NACC1: variants seen among roughly 807,000 people sequenced by gnomAD.
NACC1 encodes nucleus accumbens associated 1.
In NACC1, 6 loss-of-function variants were observed where a neutral mutation model predicts 41.7. The observed-to-expected ratio is 0.14, with a 90% CI of 0.08 to 0.28. NACC1 has a LOEUF of 0.28. Ranked by LOEUF, NACC1 falls within the 10% of genes least tolerant of loss-of-function variation. The pLI, the probability that NACC1 is intolerant of heterozygous loss-of-function variation, is 1.00. For synonymous variants in NACC1, 338 were observed against 330.6 expected (o/e 1.02, Z -0.24); for missense variants, 434 against 763.7 (o/e 0.57, Z 5.09).
chr19:13,124,222 A>C (rs551347213), intron 1 of NACC1, among the ~76,000 whole-genome samples: 8 of 152,124 alleles, frequency 5.3e-5, no homozygotes, highest in African/African-American at 1.9e-4. Context: ...CAACATGGAG[A>C]AACCCAGTCT....
rs962174752 is a variant in NACC1 at position 13,138,660 on chromosome 19, C to T, written c.*254C>T. The T allele has an allele frequency of 1.7e-4, 91 of 550,070 alleles. No homozygotes were observed. The highest frequency in any genetic ancestry group is 1.0e-3 in the Middle Eastern group (2 of 2,008). 34.1% of individuals were successfully genotyped at this position (550,070 alleles called of 1,614,324 possible). On this transcript the variant is annotated 3_prime_UTR_variant, in exon 6 of 6. Coordinates refer to ENST00000292431, the MANE Select transcript of NACC1 (RefSeq NM_052876.4). This position sits in a 1 kb window ranked among gnomAD's most constrained non-coding sequence, Gnocchi z 5.7. ...TCGTGCAGTGGGGGAGTTCTGGCTC[C>T]CCAACCTAACCCCTAGCCGTCATCT... is the stretch of plus-strand genomic sequence containing the variant.
Position 13,118,398 on chromosome 19 carries a change from G to A in NACC1, c.-65G>A, listed in dbSNP as rs1425915914. 6.8e-6 allele frequency: 1 copy of A among 147,258 alleles called. No homozygotes were observed. The highest frequency in any genetic ancestry group is 1.9e-4 in the East Asian group (1 of 5,144). 9.1% of individuals were successfully genotyped at this position (147,258 alleles called of 1,614,324 possible). On this transcript the variant is annotated 5_prime_UTR_variant, in exon 1 of 6. Coordinates refer to ENST00000292431, the MANE Select transcript of NACC1 (RefSeq NM_052876.4). ...GGGGCGCGCCCCGGGCCCAGGCCCG[G>A]CCCCAGCCGCCGCTGCGGAGCCCGC... is the stretch of plus-strand genomic sequence containing the variant.
chr19:13,125,415 T>A (rs1198249430), intron 1 of NACC1, among the ~76,000 whole-genome samples: 1 of 57,068 alleles, frequency 1.8e-5, no homozygotes, highest in Admixed American at 1.4e-4. Flanking sequence ...GGCCCCACTT[T>A]TTTTTTTTTT....
At position 13,138,414 on chromosome 19, in the gene NACC1, A is replaced by G; in HGVS notation, c.*8A>G. 2 of 1,607,730 alleles carry G rather than the reference A, an allele frequency of 1.2e-6. No homozygotes were observed. Among genetic ancestry groups the G allele is most frequent in the Non-Finnish European group, 1.7e-6 (2 of 1,179,272 alleles). The stretch of plus-strand genomic sequence containing the variant: ...GCTGAAGCCCTGCAGTAACCCGCCC[A>G]GCCTCCCGCGGGGCCACACACTTCC... On this transcript the variant is annotated 3_prime_UTR_variant, in exon 6 of 6. Coordinates refer to ENST00000292431, the MANE Select transcript of NACC1 (RefSeq NM_052876.4). This position sits in a 1 kb window ranked among gnomAD's most constrained non-coding sequence, Gnocchi z 5.7.
At chr19:13,128,638 C>G (rs1037688726) in intron 1 of NACC1, among the ~76,000 whole-genome samples, 1 of 152,218 alleles carries the variant, frequency 6.6e-6, no homozygotes, top group Non-Finnish European at 1.5e-5. Context: ...CAGTGTCACC[C>G]CTTCTGGGCA....
intron 1 of NACC1, 45 bp downstream of exon 1, chr19:13,118,499 G>T (rs899872017): frequency 2.0e-5 from 3 of 151,210 alleles, no homozygotes; most frequent in Non-Finnish European, 1.5e-5. Context: ...CCTCCAGCCG[G>T]GGCGGCCCGA....
chr19:13,133,290 G>A (rs1017425721), intron 1 of NACC1, among the ~76,000 whole-genome samples: 9 of 151,922 alleles, frequency 5.9e-5, no homozygotes, highest in African/African-American at 1.2e-4. Context: ...AGAGGAGGCC[G>A]GGCGTGATAG....
rs1224698803 is a variant in NACC1 at position 13,118,432 on chromosome 19, C to T, written c.-31C>T. 3 of 149,494 alleles carry T rather than the reference C, an allele frequency of 2.0e-5. No homozygotes were observed. The highest frequency in any genetic ancestry group is 2.4e-5 in the African/African-American group (1 of 41,120). 9.3% of individuals were successfully genotyped at this position (149,494 alleles called of 1,614,324 possible). A position where few individuals can be genotyped will look rare whatever the true frequency, so the allele number is the denominator to read the frequency against. The stretch of plus-strand genomic sequence containing the variant: ...GCCGCTGCGGAGCCCGCCGGGACCC[C>T]CCGGAGCGCGGCCACGGCGCAGGTG... On this transcript the variant is annotated 5_prime_UTR_variant, in exon 1 of 6. Coordinates refer to ENST00000292431, the MANE Select transcript of NACC1 (RefSeq NM_052876.4).
At chr19:13,130,026 G>C (rs1294728929) in intron 1 of NACC1, among the ~76,000 whole-genome samples, 4 of 152,064 alleles carry the variant, frequency 2.6e-5, no homozygotes, top group Admixed American at 1.3e-4. Flanking sequence ...TTGGCTGGTT[G>C]GTTGGTTGGT....
chr19:13,117,787 C>T (rs1329665371), upstream of NACC1, among the ~76,000 whole-genome samples: 1 of 152,108 alleles, frequency 6.6e-6, no homozygotes, highest in Non-Finnish European at 1.5e-5. Flanking sequence ...CTCCTGACCT[C>T]AGGCGATCCA....
At chr19:13,118,953 G>A (rs1201628651) in intron 1 of NACC1, among the ~76,000 whole-genome samples, 1 of 151,992 alleles carries the variant, frequency 6.6e-6, no homozygotes, top group South Asian at 2.1e-4. Flanking sequence ...CCTGGGGGCG[G>A]CTGAGGAGAA....
chr19:13,122,844 C>CGG (rs2019516274), intron 1 of NACC1, among the ~76,000 whole-genome samples: 1 of 152,126 alleles, frequency 6.6e-6, no homozygotes, highest in Admixed American at 6.5e-5. Flanking sequence ...CGGCCCAGCA[C>CGG]GGGGCCAGGG....
chr19:13,137,762 C>G lies in NACC1; in HGVS notation c.1324+187C>G, dbSNP rs528543269. Among the ~76,000 whole-genome samples, 1 of 152,094 alleles carries G rather than the reference C, an allele frequency of 6.6e-6. No homozygotes were observed. The highest frequency in any genetic ancestry group is 1.5e-5 in the Non-Finnish European group (1 of 68,012). The stretch of plus-strand genomic sequence containing the variant: ...CTTCGTGTTTGGGGGATGCACGTGC[C>G]GAAGGGAAGCCAGGGAGCCTGTGTC... On this transcript the variant is annotated intron_variant, in intron 5 of 5. Transcript: ENST00000292431. This position sits in a 1 kb window ranked among gnomAD's most constrained non-coding sequence, Gnocchi z 6.1.
chr19:13,124,977 CAT>C (rs2019544663), intron 1 of NACC1, among the ~76,000 whole-genome samples: 1 of 152,050 alleles, frequency 6.6e-6, no homozygotes, highest in Admixed American at 6.6e-5. Context: ...GTCCTGAGAA[CAT>C]ATGTCTCTCG....
chr19:13,136,356 C>G lies in NACC1; in HGVS notation c.1071C>G (p.Pro357=), dbSNP rs777208981. The change falls in exon 3 of 6, where the codon CCC becomes CCG. Residue 357 remains proline, a synonymous_variant. Transcript: ENST00000292431. The surrounding 1 kb of genome is among the most constrained non-coding windows in gnomAD (Gnocchi z 5.5). ...LINQIGNRCH[P]KLYDEGDPSE... is the part of the protein sequence containing the mutation. ...ACCAGATTGGGAACCGCTGCCACCC[C>G]AAGCTCTACGACGAGGGCGACCCCT... 1.2e-6 allele frequency: 2 copies of G among 1,614,132 alleles called. No homozygotes were observed. The highest frequency in any genetic ancestry group is 1.7e-6 in the Non-Finnish European group (2 of 1,180,026).
chr19:13,134,494 C>T (rs989622076), intron 1 of NACC1, among the ~76,000 whole-genome samples: 6 of 152,146 alleles, frequency 3.9e-5, no homozygotes, highest in Non-Finnish European at 8.8e-5. Flanking sequence ...CTTCAGCCTC[C>T]CTAGTAGCTG....
At chr19:13,134,455 C>CT (rs1360422239) in intron 1 of NACC1, among the ~76,000 whole-genome samples, 2 of 152,062 alleles carry the variant, frequency 1.3e-5, no homozygotes, top group East Asian at 1.9e-4. Context: ...ACTGCAACCT[C>CT]TGTCTCCTGG....
In NACC1 at chr19:13,137,106, G is replaced by C. The variant is rs944080707; in HGVS notation, c.1121-165G>C. Among the ~76,000 whole-genome samples the C allele has an allele frequency of 6.6e-6, 1 of 152,210 alleles. No individual in the cohort carries two copies. Among genetic ancestry groups the C allele is most frequent in the African/African-American group, 2.4e-5 (1 of 41,448 alleles). ...GAGCCCCAAGGAGCCTCCCCTGACT[G>C]CCCTTGGTGGGTAGAGATGTAGGGG... is the stretch of plus-strand genomic sequence containing the variant. On this transcript the variant is annotated intron_variant, in intron 3 of 5. Coordinates refer to ENST00000292431, the MANE Select transcript of NACC1 (RefSeq NM_052876.4). This position sits in a 1 kb window ranked among gnomAD's most constrained non-coding sequence, Gnocchi z 6.1.
chr19:13,119,516 C>CT (rs774330510), intron 1 of NACC1, among the ~76,000 whole-genome samples: 2 of 152,152 alleles, frequency 1.3e-5, no homozygotes, highest in Admixed American at 6.5e-5. Context: ...CATTCTTTCT[C>CT]TACCTTTTGT....
Sources: gnomAD v4.1 joint callset for allele counts (sites outside exome capture counted in the v4.1 genomes callset) on GRCh38, gnomAD v4.1.1 for gene constraint, Gnocchi (gnomAD v3.1) non-coding constraint, MANE v1.5 for transcripts, NCBI Gene and HGNC (gene_info 2026-07-23, HGNC 2026-07-21) for gene names.